The following SNX10 variants were observed in gnomAD, a reference collection of about 807,000 sequenced individuals.
SNX10 encodes the protein sorting nexin 10, also known as sorting nexin-10.
Under a neutral mutation model 28.5 loss-of-function variants are expected in SNX10, and 25 were observed. The observed-to-expected ratio is 0.88, with a 90% CI of 0.64 to 1.22. The LOEUF (loss-of-function observed/expected upper bound fraction) is 1.22, where lower values mean the gene tolerates loss of function less well. Among genes scored for constraint, SNX10 ranks in the 50% most tolerant of loss-of-function variants. The pLI is 0.00. For synonymous variants in SNX10, 62 were observed against 81.4 expected (o/e 0.76, Z 1.28); for missense variants, 223 against 242.6 (o/e 0.92, Z 0.54).
At chr7:26,355,614 A>G (rs886666441) in intron 2 of SNX10, among the ~76,000 whole-genome samples, 5 of 152,232 alleles carry the variant, frequency 3.3e-5, no homozygotes, top group African/African-American at 1.2e-4. Context: ...TAGAAATACA[A>G]AAATGAAATA....
At chr7:26,300,012 A>G (rs1441810851) in intron 1 of SNX10, among the ~76,000 whole-genome samples, 1 of 152,036 alleles carries the variant, frequency 6.6e-6, no homozygotes, top group Non-Finnish European at 1.5e-5. Context: ...GGAGTTCAAG[A>G]CCAGGCTGGC....
intron 2 of SNX10, among the ~76,000 whole-genome samples, chr7:26,349,215 T>C (rs1490962800): frequency 6.6e-6 from 1 of 152,210 alleles, no homozygotes; most frequent in African/African-American, 2.4e-5. Context: ...ACAGCAAACA[T>C]TACTAATTAA....
In SNX10 at chr7:26,313,627, G is replaced by T. The variant is rs1347017195; in HGVS notation, c.-24+21541G>T. Among the ~76,000 whole-genome samples, 3 of 152,004 alleles carry T rather than the reference G, an allele frequency of 2.0e-5. No homozygotes were observed. The South Asian group carries it at 6.2e-4, about 32-fold the overall frequency. On this transcript the variant is annotated intron_variant, in intron 1 of 6. Coordinates refer to ENST00000338523, the MANE Select transcript of SNX10 (RefSeq NM_013322.3). ...TGCCAAATGAGTGTGGCTAAAGTCT[G>T]TCCTTTTCCTGAACATTCATGTAAG...
rs576815829 is a variant in SNX10, at chr7:26,329,867, A to G, written c.-23-16553A>G. ...TGATCCAGGTTCAGGGCCCTGAGAT[A>G]CAAGTGGCTCGTGTGGCAGTGGGAC... On this transcript the variant is annotated intron_variant, in intron 1 of 6. Coordinates refer to ENST00000338523, the MANE Select transcript of SNX10 (RefSeq NM_013322.3). 6.4e-4 allele frequency among the ~76,000 whole-genome samples: 98 copies of G among 152,296 alleles called. 2 individuals are homozygous for G. The highest frequency in any genetic ancestry group is 6.8e-3 in the Middle Eastern group (2 of 292).
intron 1 of SNX10, among the ~76,000 whole-genome samples, chr7:26,336,973 C>T (rs1275979406): frequency 2.0e-5 from 3 of 152,172 alleles, no homozygotes; most frequent in South Asian, 2.1e-4. Flanking sequence ...GTCAAATTAT[C>T]GAGTTAAAGA....
intron 5 of SNX10, among the ~76,000 whole-genome samples, chr7:26,370,154 G>C (rs912103774): frequency 3.3e-5 from 5 of 152,216 alleles, no homozygotes; most frequent in African/African-American, 1.2e-4. Flanking sequence ...GGAAACCGCT[G>C]ACAGAGGCCA....
chr7:26,303,443 C>A (rs1786455480), intron 1 of SNX10, among the ~76,000 whole-genome samples: 1 of 152,198 alleles, frequency 6.6e-6, no homozygotes, highest in Non-Finnish European at 1.5e-5. Flanking sequence ...GCCCTGCCTG[C>A]ACACAGCTTC....
At chr7:26,361,316 C>T (rs942523481) in intron 3 of SNX10, among the ~76,000 whole-genome samples, 3 of 152,108 alleles carry the variant, frequency 2.0e-5, no homozygotes, top group Non-Finnish European at 4.4e-5. Flanking sequence ...AAGATGTGCA[C>T]GCATCTAAAA....
intron 2 of SNX10, chr7:26,357,058 G>A (rs756914527): frequency 1.1e-5 from 14 of 1,227,344 alleles, no homozygotes; most frequent in South Asian, 5.6e-5. Flanking sequence ...GATGTATGAG[G>A]CATTCAAGTC....
At chr7:26,353,973 G>T (rs1006642661) in intron 2 of SNX10, 2 of 152,190 alleles carry the variant, frequency 1.3e-5, no homozygotes, top group Non-Finnish European at 2.9e-5. Context: ...TGAAAAATTA[G>T]TATTCACTTA....
At position 26,358,805 on chromosome 7, in the gene SNX10, G is replaced by GTTTTTTTTTTTT. The variant is rs35527687; in HGVS notation, c.25-2162_25-2151dup. On this transcript the variant is annotated intron_variant, in intron 2 of 6. Coordinates refer to ENST00000338523, the MANE Select transcript of SNX10 (RefSeq NM_013322.3). Reference sequence around the variant, plus strand: ...GAGCATCACTATAGTGTTATCTTGTGTTTTTTTTTTTTTTTTTTTGACCAA... The same window carrying GTTTTTTTTTTTT: ...GAGCATCACTATAGTGTTATCTTGTGTTTTTTTTTTTTTTTTTTTTTTTTTTTTTTTGACCAA... Among the ~76,000 whole-genome samples the GTTTTTTTTTTTT allele has an allele frequency of 2.0e-3, 201 of 100,080 alleles. 21 individuals carry two copies. Among genetic ancestry groups the GTTTTTTTTTTTT allele is most frequent in the Middle Eastern group, 6.9e-3 (1 of 144 alleles). 65.7% of individuals were successfully genotyped at this position (100,080 alleles called of 152,430 possible).
At position 26,372,576 on chromosome 7, in the gene SNX10, AT is replaced by A; in HGVS notation, c.*5del. On this transcript the variant is annotated 3_prime_UTR_variant, in exon 7 of 7. Coordinates refer to ENST00000338523, the MANE Select transcript of SNX10 (RefSeq NM_013322.3). ...TACAGCTCCGCAGGAATCCTGAAAA[AT>A]AATTCTAATGTTACTATCTTAGGAA... 1 of 1,542,118 alleles carries A rather than the reference AT, an allele frequency of 6.5e-7. No homozygotes were observed. Among genetic ancestry groups the A allele is most frequent in the Non-Finnish European group, 9.0e-7 (1 of 1,114,660 alleles).
chr7:26,372,153 T>A, intron 6 of SNX10, 120 bp downstream of exon 6: 1 of 685,978 alleles, frequency 1.5e-6, no homozygotes, highest in Non-Finnish European at 2.4e-6. Context: ...ACTAAGATAA[T>A]GAAAAAATTA....
At chr7:26,327,495 T>G (rs751041971) in intron 1 of SNX10, among the ~76,000 whole-genome samples, 18 of 152,208 alleles carry the variant, frequency 1.2e-4, no homozygotes, top group Non-Finnish European at 2.1e-4. Flanking sequence ...AGTGCCTGGT[T>G]TAGCACTTGA....
At chr7:26,311,508 C>T (rs1786852545) in intron 1 of SNX10, among the ~76,000 whole-genome samples, 1 of 151,958 alleles carries the variant, frequency 6.6e-6, no homozygotes, top group Non-Finnish European at 1.5e-5. Context: ...GGCTGTTGCA[C>T]TGGGGGGAGG....
intron 1 of SNX10, among the ~76,000 whole-genome samples, chr7:26,332,473 T>G: frequency 6.6e-6 from 1 of 152,212 alleles, no homozygotes; most frequent in Non-Finnish European, 1.5e-5. Context: ...TTGATATAGT[T>G]TAGACACAGT....
rs1257345097 is a variant in SNX10 at position 26,354,926 on chromosome 7, TTTTTTCTAAAAG to T, written c.25-6032_25-6021del. Among the ~76,000 whole-genome samples, 771 of 152,286 alleles carry T rather than the reference TTTTTTCTAAAAG, an allele frequency of 5.1e-3. 6 individuals are homozygous for T. Among genetic ancestry groups the T allele is most frequent in the African/African-American group, 0.017 (718 of 41,550 alleles). On this transcript the variant is annotated intron_variant, in intron 2 of 6. Transcript: ENST00000338523. ...GCCGAAAGATTTTCTTTGATTTTTT[TTTTTTCTAAAAG>T]TTTTTCTAAAAGTTTTCTCTGATGT... is the stretch of plus-strand genomic sequence containing the variant.
intron 1 of SNX10, among the ~76,000 whole-genome samples, chr7:26,310,994 C>A (rs545906092): frequency 1.2e-4 from 18 of 151,962 alleles, no homozygotes; most frequent in African/African-American, 4.3e-4. Flanking sequence ...AGCTGAGGAA[C>A]TATTAATAGT....
chr7:26,322,158 G>A (rs1029395499), intron 1 of SNX10, among the ~76,000 whole-genome samples: 13 of 152,182 alleles, frequency 8.5e-5, no homozygotes, highest in Middle Eastern at 3.2e-3. Context: ...GTACAACTAA[G>A]GGCCCAGGAA....
Sources: gnomAD v4.1 joint callset for allele counts (sites outside exome capture counted in the v4.1 genomes callset) on GRCh38, gnomAD v4.1.1 for gene constraint, MANE v1.5 for transcripts, NCBI Gene and HGNC (gene_info 2026-07-23, HGNC 2026-07-21) for gene names.